Variants in SNTG2 observed in about 807,000 individuals in gnomAD.
SNTG2 encodes gamma-2-syntrophin.
In SNTG2, 74 loss-of-function variants were observed where a neutral mutation model predicts 70.9. The observed-to-expected ratio is 1.04, with a 90% CI of 0.86 to 1.27. The LOEUF (loss-of-function observed/expected upper bound fraction) is 1.27, where lower values mean the gene tolerates loss of function less well. Among genes scored for constraint, SNTG2 ranks in the 50% most tolerant of loss-of-function variants. The probability of loss-of-function intolerance (pLI) is 0.00; values close to 1 mark genes in which losing one functional copy is unlikely to be tolerated. For missense variants in SNTG2, 717 were observed against 690.7 expected, an observed-to-expected ratio of 1.04 and a Z score of -0.43; for synonymous variants, 278 against 273.8, an observed-to-expected ratio of 1.02 and a Z score of -0.15.
At chr2:1,114,038 A>T (rs7422414) in intron 4 of SNTG2, among the ~76,000 whole-genome samples, 52,098 of 147,576 alleles carry the variant, frequency 0.35, 8,608 homozygotes, top group East Asian at 0.5. Context: ...GATCGTGTGT[A>T]CTAAGTGAGG....
At chr2:1,139,238 A>G (rs7595870) in intron 6 of SNTG2, among the ~76,000 whole-genome samples, 120,938 of 151,730 alleles carry the variant, frequency 0.8, 48,250 homozygotes, top group East Asian at 1. Context: ...GTTTTGTTTC[A>G]TTTTGTTTTT....
intron 4 of SNTG2, among the ~76,000 whole-genome samples, chr2:1,109,369 T>C (rs1666293133): frequency 6.6e-6 from 1 of 152,022 alleles, no homozygotes; most frequent in East Asian, 1.9e-4. Flanking sequence ...AGAGAAAGGA[T>C]GATGAAAACC....
chr2:1,208,840 A>C (rs1338586892), intron 8 of SNTG2, among the ~76,000 whole-genome samples: 1 of 152,130 alleles, frequency 6.6e-6, no homozygotes, highest in Non-Finnish European at 1.5e-5. Flanking sequence ...CTCCAGATTT[A>C]GGCCCCTCTT....
At chr2:1,011,588 CTGTGAT>C (rs1438768318) in intron 1 of SNTG2, among the ~76,000 whole-genome samples, 1 of 152,142 alleles carries the variant, frequency 6.6e-6, no homozygotes, top group Non-Finnish European at 1.5e-5. Context: ...GCATAAAAAA[CTGTGAT>C]TGTGATGTTG....
chr2:954,621 G>T (rs2147938909), intron 1 of SNTG2, among the ~76,000 whole-genome samples: 1 of 152,284 alleles, frequency 6.6e-6, no homozygotes, highest in Non-Finnish European at 1.5e-5. Flanking sequence ...AATTCAGGAA[G>T]CCGAGGTTAT....
At chr2:1,009,632 CGTGTGTA>C (rs1558308127) in intron 1 of SNTG2, among the ~76,000 whole-genome samples, 7 of 52,520 alleles carry the variant, frequency 1.3e-4, no homozygotes, top group African/African-American at 2.7e-4. Context: ...ACTGGTGGGT[CGTGTGTA>C]TGGCAGCCAC....
intron 10 of SNTG2, among the ~76,000 whole-genome samples, chr2:1,238,288 T>C (rs370110840): frequency 2.0e-5 from 3 of 152,104 alleles, no homozygotes; most frequent in Non-Finnish European, 2.9e-5. Flanking sequence ...CTCCCTCCCT[T>C]CCTCTCTCTT....
chr2:1,238,234 A>T (rs1167244206), intron 10 of SNTG2, among the ~76,000 whole-genome samples: 1 of 151,998 alleles, frequency 6.6e-6, no homozygotes, highest in Non-Finnish European at 1.5e-5. Flanking sequence ...AGAATTTCCC[A>T]TCTGGTTTTG....
At chr2:1,139,964 T>C (rs78551245) in intron 6 of SNTG2, among the ~76,000 whole-genome samples, 18,135 of 152,156 alleles carry the variant, frequency 0.12, 1,649 homozygotes, top group East Asian at 0.42. Flanking sequence ...TCTTATGTGA[T>C]ACAAAATAAA....
chr2:1,213,141 T>G (rs1242998266), intron 9 of SNTG2, among the ~76,000 whole-genome samples: 1 of 152,248 alleles, frequency 6.6e-6, no homozygotes, highest in Non-Finnish European at 1.5e-5. Context: ...ATGTTATGTT[T>G]CAATACATGT....
At chr2:1,250,576 G>A (rs936591710) in intron 12 of SNTG2, among the ~76,000 whole-genome samples, 1 of 147,464 alleles carries the variant, frequency 6.8e-6, no homozygotes, top group African/African-American at 2.5e-5. Context: ...TTCTCCATCT[G>A]TCTTTGTCTT....
At chr2:1,204,280 G>A (rs1252246136) in intron 8 of SNTG2, among the ~76,000 whole-genome samples, 2 of 152,142 alleles carry the variant, frequency 1.3e-5, no homozygotes, top group Non-Finnish European at 2.9e-5. Context: ...CTTAAAATCT[G>A]CACGTTATTG....
chr2:1,041,775 T>C (rs1661453452), intron 1 of SNTG2, among the ~76,000 whole-genome samples: 1 of 152,170 alleles, frequency 6.6e-6, no homozygotes, highest in Non-Finnish European at 1.5e-5. Flanking sequence ...GGTTAACTTC[T>C]TTTCCTCATA....
intron 4 of SNTG2, among the ~76,000 whole-genome samples, chr2:1,109,900 C>T (rs540617872): frequency 1.2e-4 from 19 of 152,256 alleles, no homozygotes; most frequent in Middle Eastern, 3.4e-3. Context: ...AAAGGCAAGA[C>T]GAACGCGAAC....
chr2:1,036,474 G>A (rs1558330212), intron 1 of SNTG2, among the ~76,000 whole-genome samples: 1 of 151,960 alleles, frequency 6.6e-6, no homozygotes, highest in South Asian at 2.1e-4. Flanking sequence ...CTTAAGTTTT[G>A]ATAATTTAAT....
intron 7 of SNTG2, among the ~76,000 whole-genome samples, chr2:1,170,639 C>T (rs1053594243): frequency 3.4e-4 from 51 of 152,072 alleles, no homozygotes; most frequent in African/African-American, 1.1e-3. Context: ...CCCAATGTCG[C>T]GGGCATCGGT....
At chr2:1,155,135 CACACAG>C (rs1190976190) in intron 6 of SNTG2, among the ~76,000 whole-genome samples, 3 of 146,496 alleles carry the variant, frequency 2.0e-5, no homozygotes, top group Non-Finnish European at 4.5e-5. Flanking sequence ...ACAACACAAA[CACACAG>C]ACACACTCCA....
At chr2:1,170,374 G>T (rs7558752) in intron 7 of SNTG2, among the ~76,000 whole-genome samples, 1,654 of 152,222 alleles carry the variant, frequency 0.011, 28 homozygotes, top group African/African-American at 0.038. Flanking sequence ...GTGCCAGTTA[G>T]TCAGCCCGGA....
chr2:1,126,417 G>C (rs993951454), intron 4 of SNTG2, among the ~76,000 whole-genome samples: 7 of 152,120 alleles, frequency 4.6e-5, no homozygotes, highest in African/African-American at 1.7e-4. Context: ...TCCGTATCTT[G>C]GCTATTGCAA....
Sources: allele counts gnomAD v4.1 joint callset (sites outside exome capture counted in the v4.1 genomes callset), GRCh38; gene constraint gnomAD v4.1.1; transcripts MANE v1.5; gene names NCBI Gene and HGNC (gene_info 2026-07-23, HGNC 2026-07-21).